The following PUS10 variants were observed in gnomAD, a reference collection of about 807,000 sequenced individuals.
PUS10 encodes the protein tRNA pseudouridine synthase Pus10.
PUS10 carries 59 observed loss-of-function variants against 75.0 expected under a neutral mutation model. The ratio of observed to expected loss-of-function variants is 0.79; its 90% CI spans 0.64 to 0.98. PUS10 has a LOEUF of 0.98. PUS10 is among the 50% of genes least tolerant of loss of function. The probability of loss-of-function intolerance (pLI) is 0.00; values close to 1 mark genes in which losing one functional copy is unlikely to be tolerated. For missense variants in PUS10, 650 were observed against 614.4 expected, an observed-to-expected ratio of 1.06 and a Z score of -0.61; for synonymous variants, 219 against 211.6, an observed-to-expected ratio of 1.03 and a Z score of -0.30.
Position 60,942,068 on chromosome 2 carries a change from C to G in PUS10, c.*327G>C, listed in dbSNP as rs1242425832. On this transcript the variant is annotated 3_prime_UTR_variant, in exon 18 of 18. Transcript: ENST00000316752. The stretch of plus-strand genomic sequence containing the variant: ...GGAAATCTTGCTGAAATTACAGCTT[C>G]TTAGGTTAACAGAGAATGTGTCCTG... 8.6e-6 allele frequency: 2 copies of G among 232,482 alleles called. No homozygotes were observed. The highest frequency in any genetic ancestry group is 1.7e-5 in the Non-Finnish European group (2 of 119,246). 14.4% of individuals were successfully genotyped at this position (232,482 alleles called of 1,614,324 possible).
At chr2:61,015,113 T>G (rs568174206) in intron 1 of PUS10, among the ~76,000 whole-genome samples, 183 of 152,220 alleles carry the variant, frequency 1.2e-3, no homozygotes, top group Non-Finnish European at 1.5e-3. Context: ...AACACCAGAA[T>G]TGAGAAACGC....
intron 15 of PUS10, among the ~76,000 whole-genome samples, chr2:60,950,251 C>T (rs1675250552): frequency 6.6e-6 from 1 of 152,022 alleles, no homozygotes; most frequent in Non-Finnish European, 1.5e-5. Context: ...GTGTTTTTAC[C>T]AAAATATTCA....
chr2:60,978,660 A>G (rs932581534), intron 4 of PUS10, among the ~76,000 whole-genome samples: 3 of 152,112 alleles, frequency 2.0e-5, no homozygotes, highest in Admixed American at 6.6e-5. Flanking sequence ...TTAAGGCAAT[A>G]TGGTCCCACA....
chr2:61,017,923 G>T, intron 1 of PUS10, 85 bp downstream of exon 1: 2 of 1,448,806 alleles, frequency 1.4e-6, no homozygotes, highest in African/African-American at 1.4e-5. Context: ...CGGTTGTAGC[G>T]GTTGTTAGTG....
At chr2:60,974,799 C>T (rs1676930861) in intron 4 of PUS10, among the ~76,000 whole-genome samples, 1 of 152,230 alleles carries the variant, frequency 6.6e-6, no homozygotes, top group African/African-American at 2.4e-5. Context: ...ATGGCTGGAC[C>T]CCATGCTCAC....
At chr2:60,960,668 G>T (rs1184629775) in intron 10 of PUS10, 151 bp from the exon 11 acceptor site, 2 of 580,376 alleles carry the variant, frequency 3.4e-6, no homozygotes, top group Admixed American at 4.0e-5. Flanking sequence ...CCAATTTGGA[G>T]ACCTGGGACA....
At chr2:60,948,294 G>C in intron 15 of PUS10, 109 bp from the exon 16 acceptor site, 1 of 1,051,120 alleles carries the variant, frequency 9.5e-7, no homozygotes, top group Non-Finnish European at 1.4e-6. Context: ...GCTTCCTTGA[G>C]AGAACTAAAA....
chr2:60,986,428 A>C (rs1677729117), intron 4 of PUS10, among the ~76,000 whole-genome samples: 1 of 152,144 alleles, frequency 6.6e-6, no homozygotes, highest in African/African-American at 2.4e-5. Flanking sequence ...GCAACAGCTA[A>C]ATTTTAGAGG....
At chr2:60,987,081 T>C (rs987234280) in intron 4 of PUS10, among the ~76,000 whole-genome samples, 3 of 152,256 alleles carry the variant, frequency 2.0e-5, no homozygotes, top group Non-Finnish European at 2.9e-5. Context: ...CAAGCTTTGA[T>C]CTTTCCAAAT....
intron 1 of PUS10, 33 bp downstream of exon 1, chr2:61,017,975 G>T: frequency 7.6e-7 from 1 of 1,322,188 alleles, no homozygotes; most frequent in Non-Finnish European, 1.0e-6. Flanking sequence ...CCAACCTTGG[G>T]GATAGGGGCC....
chr2:61,011,345 A>G lies in PUS10; in HGVS notation c.126+420T>C, dbSNP rs144658513. ...TCTAGAGGATTCCAAATACCTATTT[A>G]TAAACACAACTGGTAATACAGAAAA... On this transcript the variant is annotated intron_variant, in intron 2 of 17. Coordinates refer to ENST00000316752, the MANE Select transcript of PUS10 (RefSeq NM_144709.4). Among the ~76,000 whole-genome samples the G allele has an allele frequency of 2.3e-4, 35 of 152,330 alleles. No homozygotes were observed. In the Middle Eastern group the frequency reaches 0.014, roughly 59 times the overall value.
Position 60,974,279 on chromosome 2 carries a change from G to A in PUS10, c.469-2722C>T, listed in dbSNP as rs530159191. ...TCACCAGGCTGGAGTGCAGTGGTGC[G>A]ATACCAGCTCACTGCAACCTCCGCC... On this transcript the variant is annotated intron_variant, in intron 4 of 17. Transcript: ENST00000316752. Among the ~76,000 whole-genome samples the A allele has an allele frequency of 4.6e-4, 66 of 144,366 alleles. No homozygotes were observed. In the Middle Eastern group the frequency reaches 0.029, roughly 63 times the overall value. 94.7% of individuals were successfully genotyped at this position (144,366 alleles called of 152,430 possible).
intron 4 of PUS10, among the ~76,000 whole-genome samples, chr2:60,986,691 A>G (rs75799380): frequency 6.6e-6 from 1 of 152,238 alleles, no homozygotes; most frequent in Non-Finnish European, 1.5e-5. Context: ...TAACTCTTCA[A>G]TCTGCTAGTT....
At chr2:60,996,978 GT>G (rs1373575336) in intron 4 of PUS10, among the ~76,000 whole-genome samples, 1 of 152,174 alleles carries the variant, frequency 6.6e-6, no homozygotes, top group Non-Finnish European at 1.5e-5. Flanking sequence ...ACACATTGAT[GT>G]TTTTCAATAA....
intron 17 of PUS10, 24 bp downstream of exon 17, chr2:60,944,985 G>A (rs763588081): frequency 6.4e-7 from 1 of 1,551,142 alleles, no homozygotes; most frequent in Non-Finnish European, 8.9e-7. Context: ...TTGCCAATGT[G>A]CATTCCACAA....
intron 15 of PUS10, among the ~76,000 whole-genome samples, chr2:60,951,490 G>A (rs1251102733): frequency 1.3e-5 from 2 of 152,146 alleles, no homozygotes; most frequent in African/African-American, 4.8e-5. Flanking sequence ...GGATGATGAG[G>A]GACCCAGTGA....
At chr2:60,997,124 C>T (rs10181042) in intron 4 of PUS10, among the ~76,000 whole-genome samples, 60,738 of 151,978 alleles carry the variant, frequency 0.4, 12,818 homozygotes, top group Middle Eastern at 0.51. Flanking sequence ...TTGGAGTTAC[C>T]TTTGATAAGA....
At position 60,941,520 on chromosome 2, in the gene PUS10, A is replaced by G. The variant is rs540281868; in HGVS notation, c.*875T>C. ...GTTTCCATATTTATAAAATGGAGAC[A>G]ATATCCTATCTACTTTAATAAGGTA... is the stretch of plus-strand genomic sequence containing the variant. On this transcript the variant is annotated 3_prime_UTR_variant, in exon 18 of 18. Coordinates refer to ENST00000316752, the MANE Select transcript of PUS10 (RefSeq NM_144709.4). 2.0e-5 allele frequency: 3 copies of G among 152,298 alleles called. No individual in the cohort carries two copies. Among genetic ancestry groups the G allele is most frequent in the South Asian group, 4.1e-4 (2 of 4,830 alleles). 9.4% of individuals were successfully genotyped at this position (152,298 alleles called of 1,614,324 possible).
chr2:60,990,204 C>T (rs1363386805), intron 4 of PUS10, among the ~76,000 whole-genome samples: 4 of 152,072 alleles, frequency 2.6e-5, no homozygotes, highest in Admixed American at 2.0e-4. Flanking sequence ...GAATTAAAAA[C>T]ATAGTATTAC....
Sources: gnomAD v4.1 joint callset for allele counts (sites outside exome capture counted in the v4.1 genomes callset) on GRCh38, gnomAD v4.1.1 for gene constraint, MANE v1.5 for transcripts, NCBI Gene and HGNC (gene_info 2026-07-23, HGNC 2026-07-21) for gene names.